Variants in MBD5 observed in about 807,000 individuals in gnomAD.
MBD5 encodes the protein methyl-CpG binding domain protein 5.
In MBD5, 13 loss-of-function variants were observed where a neutral mutation model predicts 117.3. The ratio of observed to expected loss-of-function variants is 0.11; its 90% CI spans 0.07 to 0.18. The LOEUF (loss-of-function observed/expected upper bound fraction) is 0.18, where lower values mean the gene tolerates loss of function less well. Ranked by LOEUF, MBD5 falls within the 10% of genes least tolerant of loss-of-function variation. The pLI, the probability that MBD5 is intolerant of heterozygous loss-of-function variation, is 1.00. For missense variants in MBD5, 1,879 were observed against 2,093.8 expected, an observed-to-expected ratio of 0.90 and a Z score of 2.00; for synonymous variants, 727 against 766.4, an observed-to-expected ratio of 0.95 and a Z score of 0.85.
At chr2:148,429,686 G>T (rs1161160594) in intron 4 of MBD5, among the ~76,000 whole-genome samples, 1 of 152,142 alleles carries the variant, frequency 6.6e-6, no homozygotes, top group Non-Finnish European at 1.5e-5. Context: ...ATGAGTTCAT[G>T]TCCTTTGCAG....
intron 3 of MBD5, among the ~76,000 whole-genome samples, chr2:148,270,579 G>T (rs941864215): frequency 6.6e-6 from 1 of 151,918 alleles, no homozygotes; most frequent in Non-Finnish European, 1.5e-5. Context: ...AGTAGAGATG[G>T]GGTTTCACCA....
intron 4 of MBD5, among the ~76,000 whole-genome samples, chr2:148,390,471 A>G (rs1039701561): frequency 1.3e-5 from 2 of 150,522 alleles, no homozygotes; most frequent in African/African-American, 4.9e-5. Flanking sequence ...ATGTGTGTGT[A>G]TATATATAAG....
At chr2:148,026,924 A>C (rs1407187479) in intron 1 of MBD5, 1 of 131,456 alleles carries the variant, frequency 7.6e-6, no homozygotes, top group Non-Finnish European at 1.6e-5. Context: ...CTAAATAAAT[A>C]AATAAACAAA....
At chr2:148,105,249 C>T (rs1394454606) in intron 1 of MBD5, among the ~76,000 whole-genome samples, 7 of 147,476 alleles carry the variant, frequency 4.7e-5, no homozygotes, top group Admixed American at 4.1e-4. Context: ...GACAGAACCT[C>T]ACTCTGCTGC....
chr2:148,197,806 G>GTTTT (rs67499597), intron 2 of MBD5, among the ~76,000 whole-genome samples: 3 of 92,502 alleles, frequency 3.2e-5, no homozygotes, highest in African/African-American at 9.0e-5. Flanking sequence ...TTTTTTTTTT[G>GTTTT]TTTTTTTTTT....
chr2:148,223,852 G>A (rs867165270), intron 2 of MBD5, among the ~76,000 whole-genome samples: 1 of 151,884 alleles, frequency 6.6e-6, no homozygotes, highest in Non-Finnish European at 1.5e-5. Context: ...TTTCATGTAG[G>A]CACTTATGGC....
At position 148,483,792 on chromosome 2, in the gene MBD5, T is replaced by A; in HGVS notation, c.3201T>A (p.Thr1067=). 1 of 1,550,604 alleles carries A rather than the reference T, an allele frequency of 6.4e-7. No homozygotes were observed. Among genetic ancestry groups the A allele is most frequent in the South Asian group, 1.2e-5 (1 of 84,060 alleles). Residue 1067 remains threonine (T), a synonymous_variant, in exon 9 of 14, where the codon ACT becomes ACA. Coordinates refer to ENST00000642680, the MANE Select transcript of MBD5 (RefSeq NM_001378120.1). ...CAAGCTTTGCAGGCAGTGACACTAC[T>A]TTTAACCCCCTGTTCCTCCCAGCTG... The part of the protein sequence containing the change: ...PLPSFAGSDT[T]FNPLFLPAVN...
intron 4 of MBD5, among the ~76,000 whole-genome samples, chr2:148,364,011 C>G: frequency 6.6e-6 from 1 of 152,124 alleles, no homozygotes; most frequent in Admixed American, 6.5e-5. Flanking sequence ...CAAAGATACT[C>G]CTCAAGAAGA....
chr2:148,446,600 A>ATGTGTGTGTGTG (rs1215172950), intron 4 of MBD5, among the ~76,000 whole-genome samples: 14 of 9,944 alleles, frequency 1.4e-3, no homozygotes, highest in Non-Finnish European at 3.3e-3. Flanking sequence ...CAGATTATTT[A>ATGTGTGTGTGTG]TCTGTGTGTG....
chr2:148,038,032 G>A (rs1425654985), intron 1 of MBD5, among the ~76,000 whole-genome samples: 3 of 151,856 alleles, frequency 2.0e-5, no homozygotes, highest in Non-Finnish European at 4.4e-5. Flanking sequence ...CAATGTTTTG[G>A]ATCAGGAGAA....
chr2:148,473,338 T>A (rs1680857071), intron 8 of MBD5, among the ~76,000 whole-genome samples: 1 of 152,048 alleles, frequency 6.6e-6, no homozygotes, highest in Non-Finnish European at 1.5e-5. Context: ...TCCTAGTAGG[T>A]GACGTGTCAG....
chr2:148,430,490 G>A (rs920729792), intron 4 of MBD5, among the ~76,000 whole-genome samples: 62 of 152,062 alleles, frequency 4.1e-4, no homozygotes, highest in African/African-American at 1.5e-3. Context: ...AATAGATTGA[G>A]CACACTGGTT....
At chr2:148,451,974 A>G (rs1266894648) in intron 4 of MBD5, among the ~76,000 whole-genome samples, 1 of 152,202 alleles carries the variant, frequency 6.6e-6, no homozygotes, top group Non-Finnish European at 1.5e-5. Flanking sequence ...GTCTCCCAGT[A>G]TTCCCATCCA....
intron 12 of MBD5, chr2:148,502,926 C>A: frequency 5.0e-6 from 1 of 200,134 alleles, no homozygotes; most frequent in Non-Finnish European, 1.0e-5. Flanking sequence ...GATTACTAGT[C>A]AAAGTGATGC....
At chr2:148,446,417 A>G (rs1272884666) in intron 4 of MBD5, among the ~76,000 whole-genome samples, 1 of 152,046 alleles carries the variant, frequency 6.6e-6, no homozygotes, top group African/African-American at 2.4e-5. Context: ...AAACAAACAA[A>G]CAGAACAATA....
chr2:148,387,420 T>A (rs1704406995), intron 4 of MBD5, among the ~76,000 whole-genome samples: 1 of 152,170 alleles, frequency 6.6e-6, no homozygotes, highest in African/African-American at 2.4e-5. Context: ...GAAGATAATC[T>A]GTGAAGAACA....
chr2:148,390,461 ATG>A (rs1247763418), intron 4 of MBD5, among the ~76,000 whole-genome samples: 2 of 150,810 alleles, frequency 1.3e-5, no homozygotes, highest in African/African-American at 2.4e-5. Context: ...AAGTATATAT[ATG>A]TGTGTGTATA....
intron 1 of MBD5, among the ~76,000 whole-genome samples, chr2:148,083,400 G>A (rs1695696727): frequency 6.6e-6 from 1 of 151,916 alleles, no homozygotes; most frequent in African/African-American, 2.4e-5. Flanking sequence ...ATAGCCTCTG[G>A]TTAACTGAAA....
intron 1 of MBD5, among the ~76,000 whole-genome samples, chr2:148,066,309 CTCAG>C (rs528266663): frequency 5.9e-5 from 9 of 152,008 alleles, no homozygotes; most frequent in Non-Finnish European, 1.2e-4. Flanking sequence ...AAGACCCTGT[CTCAG>C]TCAGTCAGTC....
Sources: allele counts gnomAD v4.1 joint callset (sites outside exome capture counted in the v4.1 genomes callset), GRCh38; gene constraint gnomAD v4.1.1; transcripts MANE v1.5; gene names NCBI Gene and HGNC (gene_info 2026-07-23, HGNC 2026-07-21).